DCDC1: variants seen among roughly 807,000 people sequenced by gnomAD.
DCDC1 encodes the protein doublecortin domain-containing protein 1.
Under a neutral mutation model 178.3 loss-of-function variants are expected in DCDC1, and 200 were observed. The observed-to-expected ratio is 1.12, with a 90% CI of 1.00 to 1.26. The LOEUF is 1.26. DCDC1 is among the 50% of genes most tolerant of loss of function. DCDC1 has a pLI of 0.00. For missense variants in DCDC1, 1,983 were observed against 1,749.2 expected, an observed-to-expected ratio of 1.13 and a Z score of -2.38; for synonymous variants, 690 against 604.8, an observed-to-expected ratio of 1.14 and a Z score of -2.07.
At chr11:31,365,579 T>A (rs886577975) in intron 1 of DCDC1, among the ~76,000 whole-genome samples, 2 of 152,112 alleles carry the variant, frequency 1.3e-5, no homozygotes, top group Non-Finnish European at 2.9e-5. Flanking sequence ...CACAATTGAC[T>A]AGTATGACAT....
chr11:31,021,439 T>C (rs1952874798), intron 20 of DCDC1, among the ~76,000 whole-genome samples: 1 of 152,004 alleles, frequency 6.6e-6, no homozygotes, highest in African/African-American at 2.4e-5. Flanking sequence ...TACAGAAAAA[T>C]CTCAAATGTG....
chr11:31,149,193 G>A (rs894913798), intron 9 of DCDC1, among the ~76,000 whole-genome samples: 1 of 152,196 alleles, frequency 6.6e-6, no homozygotes, highest in African/African-American at 2.4e-5. Context: ...ATGTGCATGT[G>A]TCTTTTTCTT....
chr11:30,876,806 A>T (rs1000633383), intron 38 of DCDC1, among the ~76,000 whole-genome samples: 1 of 152,110 alleles, frequency 6.6e-6, no homozygotes, highest in African/African-American at 2.4e-5. Context: ...TGAAAACAAA[A>T]AATTGTCTAT....
chr11:31,202,634 T>C (rs907609509), intron 9 of DCDC1, among the ~76,000 whole-genome samples: 1 of 152,024 alleles, frequency 6.6e-6, no homozygotes, highest in African/African-American at 2.4e-5. Context: ...TTCAAATTTA[T>C]AACAGTAAGA....
In DCDC1 at chr11:30,874,513, G is replaced by A. The variant is rs192896083; in HGVS notation, c.*40+4031C>T. Among the ~76,000 whole-genome samples the A allele has an allele frequency of 2.7e-3, 407 of 152,280 alleles. 4 individuals carry two copies. The highest frequency in any genetic ancestry group is 9.6e-3 in the African/African-American group (398 of 41,576). The stretch of plus-strand genomic sequence containing the variant: ...GAAAAGGCCAAGAGGCAGGGAGGAA[G>A]AGGGAGGAGGGAAGAGGGAGAAAAA... On this transcript the variant is annotated intron_variant, in intron 38 of 38. Coordinates refer to ENST00000684477, the MANE Select transcript of DCDC1 (RefSeq NM_001387274.1).
chr11:31,160,307 C>CT (rs1966189492), intron 9 of DCDC1, among the ~76,000 whole-genome samples: 1 of 152,010 alleles, frequency 6.6e-6, no homozygotes, highest in Non-Finnish European at 1.5e-5. Flanking sequence ...GAATTCACAC[C>CT]TCATGGCTTA....
intron 34 of DCDC1, among the ~76,000 whole-genome samples, chr11:30,895,887 TC>T (rs1944168240): frequency 1.3e-5 from 2 of 152,322 alleles, no homozygotes; most frequent in South Asian, 4.1e-4. Context: ...AAATAACATT[TC>T]AACAAATATT....
At chr11:31,348,700 A>G (rs1950928577) in intron 1 of DCDC1, among the ~76,000 whole-genome samples, 1 of 152,194 alleles carries the variant, frequency 6.6e-6, no homozygotes, top group Non-Finnish European at 1.5e-5. Context: ...TTCAGGAGAT[A>G]TAAGTTGCTG....
At chr11:30,946,215 GGC>G in intron 21 of DCDC1, among the ~76,000 whole-genome samples, 1 of 152,146 alleles carries the variant, frequency 6.6e-6, no homozygotes, top group Admixed American at 6.6e-5. Flanking sequence ...GCAACCTGCT[GGC>G]ACCTGCTTAC....
intron 38 of DCDC1, among the ~76,000 whole-genome samples, chr11:30,866,911 G>T (rs142029683): frequency 6.6e-6 from 1 of 152,176 alleles, no homozygotes; most frequent in African/African-American, 2.4e-5. Flanking sequence ...AAAAGGGCAT[G>T]TGGGAGTGGG....
chr11:30,946,876 G>T (rs1261457553), intron 21 of DCDC1, among the ~76,000 whole-genome samples: 1 of 152,194 alleles, frequency 6.6e-6, no homozygotes, highest in Non-Finnish European at 1.5e-5. Context: ...TGGTCTTGCA[G>T]AGGAAGGGCT....
chr11:30,998,053 G>A (rs1341907034), intron 20 of DCDC1, among the ~76,000 whole-genome samples: 1 of 152,150 alleles, frequency 6.6e-6, no homozygotes, highest in Non-Finnish European at 1.5e-5. Context: ...CAGCACTTTG[G>A]AAGGTCGAGG....
chr11:30,935,105 A>ATG (rs1947191361), intron 21 of DCDC1, among the ~76,000 whole-genome samples: 2 of 152,188 alleles, frequency 1.3e-5, no homozygotes, highest in African/African-American at 4.8e-5. Flanking sequence ...AATGGTGATA[A>ATG]GTATAGGATT....
intron 20 of DCDC1, among the ~76,000 whole-genome samples, chr11:31,062,947 TC>T (rs1295925012): frequency 1.5e-5 from 1 of 67,748 alleles, no homozygotes; most frequent in East Asian, 5.4e-4. Flanking sequence ...CCCTCCCCCC[TC>T]CCCCCACCCC....
At chr11:30,992,286 T>C (rs564978935) in intron 20 of DCDC1, among the ~76,000 whole-genome samples, 1 of 152,302 alleles carries the variant, frequency 6.6e-6, no homozygotes, top group South Asian at 2.1e-4. Context: ...GATCCTGAAA[T>C]GGTGACCATG....
At chr11:31,084,526 C>T (rs1409719864) in intron 17 of DCDC1, among the ~76,000 whole-genome samples, 2 of 152,010 alleles carry the variant, frequency 1.3e-5, no homozygotes, top group Middle Eastern at 3.2e-3. Flanking sequence ...TCAGTGAGAA[C>T]TTCCAGTTTT....
At chr11:31,264,140 C>T (rs996688453) in intron 8 of DCDC1, among the ~76,000 whole-genome samples, 4 of 152,112 alleles carry the variant, frequency 2.6e-5, no homozygotes, top group Non-Finnish European at 5.9e-5. Context: ...TTATGAGTGT[C>T]AGCTATGTCC....
At chr11:31,050,937 A>C (rs1489323695) in intron 20 of DCDC1, among the ~76,000 whole-genome samples, 3 of 152,130 alleles carry the variant, frequency 2.0e-5, no homozygotes, top group African/African-American at 7.2e-5. Context: ...CAACACCCCC[A>C]AAAAACCACA....
chr11:31,349,032 T>TC (rs1950946713), intron 1 of DCDC1, among the ~76,000 whole-genome samples: 1 of 137,632 alleles, frequency 7.3e-6, no homozygotes, highest in Non-Finnish European at 1.6e-5. Context: ...AGCTTATTTT[T>TC]TTTTAAGTGG....
Sources: allele counts gnomAD v4.1 joint callset (sites outside exome capture counted in the v4.1 genomes callset), GRCh38; gene constraint gnomAD v4.1.1; transcripts MANE v1.5; gene names NCBI Gene and HGNC (gene_info 2026-07-23, HGNC 2026-07-21).